The following ZNF804B variants were observed in gnomAD, a reference collection of about 807,000 sequenced individuals.
ZNF804B encodes zinc finger 804B.
ZNF804B carries 80 observed loss-of-function variants against 101.4 expected under a neutral mutation model. The observed-to-expected ratio is 0.79, with a 90% CI of 0.66 to 0.95. ZNF804B has a LOEUF of 0.95. ZNF804B is among the 40% of genes least tolerant of loss of function. ZNF804B has a pLI of 0.00. For synonymous variants in ZNF804B, 622 were observed against 558.8 expected (o/e 1.11, Z -1.59); for missense variants, 1,673 against 1,561.9 (o/e 1.07, Z -1.20).
intron 1 of ZNF804B, among the ~76,000 whole-genome samples, chr7:89,083,804 A>G (rs187593158): frequency 2.0e-5 from 3 of 151,952 alleles, no homozygotes; most frequent in Admixed American, 2.0e-4. Flanking sequence ...TATTTCTTCT[A>G]TTTGTCTTTG....
chr7:88,838,779 CT>C (rs1282051847), intron 1 of ZNF804B, among the ~76,000 whole-genome samples: 1 of 151,860 alleles, frequency 6.6e-6, no homozygotes, highest in South Asian at 2.1e-4. Flanking sequence ...TTGTAAAGAA[CT>C]TTTGTGAGTT....
At chr7:89,066,697 T>C (rs2116290476) in intron 1 of ZNF804B, among the ~76,000 whole-genome samples, 1 of 152,286 alleles carries the variant, frequency 6.6e-6, no homozygotes, top group Admixed American at 6.5e-5. Flanking sequence ...AGAAAAATTA[T>C]TTTTAAGCTA....
rs755171002 is a variant in ZNF804B, at chr7:89,334,628, A to G, written c.1646A>G (p.Gln549Arg). The G allele has an allele frequency of 6.2e-7, 1 of 1,613,858 alleles. No homozygotes were observed. The highest frequency in any genetic ancestry group is 1.1e-5 in the South Asian group (1 of 91,076). ...GCTAATCCGGATTGGGAAAAATTCC[A>G]GAGGAAATATAATTTGGACTACAGT... ...MIANPDWEKF[Q>R]RKYNLDYSDS... is the part of the protein sequence containing the mutation. Residue 549 changes from glutamine (Q) to arginine (R), a missense_variant, in exon 4 of 4, where the codon CAG (glutamine) becomes CGG (arginine). Transcript: ENST00000333190.
intron 1 of ZNF804B, among the ~76,000 whole-genome samples, chr7:89,041,161 G>A (rs1345298923): frequency 6.6e-6 from 1 of 152,134 alleles, no homozygotes; most frequent in East Asian, 1.9e-4. Context: ...ACTGTGTCAG[G>A]CTTTAAGCCT....
At chr7:88,917,723 A>T (rs1289946780) in intron 1 of ZNF804B, among the ~76,000 whole-genome samples, 1 of 152,146 alleles carries the variant, frequency 6.6e-6, no homozygotes, top group Non-Finnish European at 1.5e-5. Context: ...CTAAATTTTG[A>T]TGTTATAATA....
At chr7:89,308,133 G>A (rs1790594313) in intron 2 of ZNF804B, among the ~76,000 whole-genome samples, 2 of 152,070 alleles carry the variant, frequency 1.3e-5, no homozygotes, top group Admixed American at 1.3e-4. Context: ...CTTACTCTTG[G>A]AATATTTGAA....
At chr7:89,173,528 C>T (rs568583533) in intron 1 of ZNF804B, among the ~76,000 whole-genome samples, 2 of 151,914 alleles carry the variant, frequency 1.3e-5, no homozygotes, top group African/African-American at 4.8e-5. Flanking sequence ...CTAGAATTAA[C>T]CTGAATGTGC....
intron 1 of ZNF804B, among the ~76,000 whole-genome samples, chr7:88,906,426 G>GT (rs1792471447): frequency 6.6e-6 from 1 of 152,046 alleles, no homozygotes; most frequent in African/African-American, 2.4e-5. Context: ...AGAGATTTTG[G>GT]TAAGTTGTGT....
chr7:88,760,581 AT>A (rs1345108148), intron 1 of ZNF804B, among the ~76,000 whole-genome samples: 4 of 152,230 alleles, frequency 2.6e-5, no homozygotes, highest in Admixed American at 2.6e-4. Context: ...ATTATATCTA[AT>A]GCTCAACTAT....
chr7:89,229,208 T>G (rs1005857780), intron 2 of ZNF804B, among the ~76,000 whole-genome samples: 4 of 152,150 alleles, frequency 2.6e-5, no homozygotes, highest in African/African-American at 9.7e-5. Flanking sequence ...GCTCCTCAAG[T>G]GCCGCCAAAG....
intron 1 of ZNF804B, among the ~76,000 whole-genome samples, chr7:89,067,536 G>A (rs757598325): frequency 2.2e-4 from 33 of 152,064 alleles, no homozygotes; most frequent in African/African-American, 1.2e-4. Flanking sequence ...CTAGCCCAGC[G>A]GACACAGCAA....
At chr7:88,792,373 C>T (rs1790394547) in intron 1 of ZNF804B, among the ~76,000 whole-genome samples, 1 of 152,080 alleles carries the variant, frequency 6.6e-6, no homozygotes, top group African/African-American at 2.4e-5. Context: ...ATTCAAACTT[C>T]TATTCACTAG....
At chr7:88,989,187 G>A (rs768356062) in intron 1 of ZNF804B, among the ~76,000 whole-genome samples, 6 of 151,782 alleles carry the variant, frequency 4.0e-5, no homozygotes, top group South Asian at 2.1e-4. Context: ...TAGTAGAGAC[G>A]GGGTTTCACC....
chr7:89,019,815 GT>G (rs1483499047), intron 1 of ZNF804B, among the ~76,000 whole-genome samples: 1 of 151,822 alleles, frequency 6.6e-6, no homozygotes, highest in African/African-American at 2.4e-5. Flanking sequence ...TGTGAAATAT[GT>G]TTTTCCATAA....
intron 2 of ZNF804B, among the ~76,000 whole-genome samples, chr7:89,262,911 T>G (rs1789731248): frequency 6.6e-6 from 1 of 152,208 alleles, no homozygotes; most frequent in African/African-American, 2.4e-5. Context: ...TGCTAACTCT[T>G]TCAACACCTG....
At chr7:89,126,895 A>T (rs2116374008) in intron 1 of ZNF804B, among the ~76,000 whole-genome samples, 1 of 152,116 alleles carries the variant, frequency 6.6e-6, no homozygotes. Context: ...TTTGCAACTC[A>T]GATCTCTCAC....
intron 2 of ZNF804B, among the ~76,000 whole-genome samples, chr7:89,278,274 T>TGAAAAATTTCTCCCATTTTGTAGGTTGC: frequency 6.6e-6 from 1 of 152,130 alleles, no homozygotes; most frequent in South Asian, 2.1e-4. Flanking sequence ...GAGTAGGTTG[T>TGAAAAATTTCTCCCATTTTGTAGGTTGC]GAAAAATTTC....
chr7:88,919,424 T>C (rs1436123631), intron 1 of ZNF804B, among the ~76,000 whole-genome samples: 1 of 152,106 alleles, frequency 6.6e-6, no homozygotes, highest in Non-Finnish European at 1.5e-5. Flanking sequence ...AAAGGCACGA[T>C]GATAAAGGAG....
intron 1 of ZNF804B, among the ~76,000 whole-genome samples, chr7:88,883,739 T>C (rs1004685184): frequency 2.0e-5 from 3 of 152,090 alleles, no homozygotes; most frequent in Non-Finnish European, 4.4e-5. Flanking sequence ...ATTTTAAAAA[T>C]CATGAGGCAA....
Sources: gnomAD v4.1 joint callset for allele counts (sites outside exome capture counted in the v4.1 genomes callset) on GRCh38, gnomAD v4.1.1 for gene constraint, MANE v1.5 for transcripts, NCBI Gene and HGNC (gene_info 2026-07-23, HGNC 2026-07-21) for gene names.